PLEKHA5: variants seen among roughly 807,000 people sequenced by gnomAD.
PLEKHA5 encodes the protein pleckstrin homology domain containing A5.
PLEKHA5 carries 55 observed loss-of-function variants against 181.9 expected under a neutral mutation model. The observed-to-expected ratio is 0.30, with a 90% confidence interval of 0.24 to 0.38. The LOEUF (loss-of-function observed/expected upper bound fraction) is 0.38, where lower values mean the gene tolerates loss of function less well. Ranked by LOEUF, PLEKHA5 falls within the 10% of genes least tolerant of loss-of-function variation. The pLI is 1.00. For missense variants in PLEKHA5, 1,432 were observed against 1,549.5 expected, an observed-to-expected ratio of 0.92 and a Z score of 1.27; for synonymous variants, 535 against 529.4, an observed-to-expected ratio of 1.01 and a Z score of -0.15.
At chr12:19,170,746 TATC>T (rs1382195448) in intron 3 of PLEKHA5, among the ~76,000 whole-genome samples, 4 of 152,334 alleles carry the variant, frequency 2.6e-5, no homozygotes, top group East Asian at 1.9e-4. Flanking sequence ...TTAACTGACT[TATC>T]ATTCTTCATT....
Position 19,283,639 on chromosome 12 carries a change from C to A in PLEKHA5, c.1673C>A (p.Ala558Asp), listed in dbSNP as rs770031997. The change falls in exon 12 of 32, where the codon GCT becomes GAT. Residue 558 changes from alanine (A) to aspartate (D), a missense_variant. Physicochemically the swap from Ala to Asp is moderately radical, Grantham distance 126. Around this residue, in one of 2 missense-constraint regions of PLEKHA5, gnomAD observed 1,143 missense variants for 1,168.4 expected, o/e 0.98. Coordinates refer to ENST00000429027, the MANE Select transcript of PLEKHA5 (RefSeq NM_001256470.2). ...TCACCTTCCCACGGGTCAATAGCTG[C>A]TTATCAGGGATACTCCCCTCAACGA... is the stretch of plus-strand genomic sequence containing the variant. ...PTSPSHGSIA[A>D]YQGYSPQRTY... The A allele has an allele frequency of 6.2e-6, 10 of 1,613,888 alleles. No individual in the cohort carries two copies. The South Asian group carries it at 8.8e-5, about 14-fold the overall frequency.
chr12:19,134,481 T>C (rs1003256826), intron 3 of PLEKHA5, among the ~76,000 whole-genome samples: 1 of 151,914 alleles, frequency 6.6e-6, no homozygotes, highest in Admixed American at 6.6e-5. Flanking sequence ...CATTAAACTT[T>C]TAAAAAAACT....
At chr12:19,163,902 A>T (rs12816866) in intron 3 of PLEKHA5, among the ~76,000 whole-genome samples, 41 of 151,988 alleles carry the variant, frequency 2.7e-4, no homozygotes, top group African/African-American at 9.4e-4. Context: ...CTTTATCCAA[A>T]TTTTTCCTTC....
intron 3 of PLEKHA5, 35 bp downstream of exon 3, chr12:19,132,485 AT>A: frequency 9.2e-7 from 1 of 1,089,464 alleles, no homozygotes; most frequent in Non-Finnish European, 1.4e-6. Flanking sequence ...TTCCTTCGTA[AT>A]TAGAATGCTG....
chr12:19,207,599 G>A (rs112537356), intron 3 of PLEKHA5: 7 of 152,232 alleles, frequency 4.6e-5, no homozygotes, highest in African/African-American at 9.6e-5. Context: ...GGTCAAGTAC[G>A]TTTGGGGAAT....
intron 3 of PLEKHA5, among the ~76,000 whole-genome samples, chr12:19,242,024 A>T (rs2062714008): frequency 6.6e-6 from 1 of 152,140 alleles, no homozygotes; most frequent in South Asian, 2.1e-4. Context: ...CACTCAAATT[A>T]CTTACAGGTG....
rs1393584891 is a variant in PLEKHA5 at position 19,376,154 on chromosome 12, A to C, written c.*635A>C. 1 of 152,368 alleles carries C rather than the reference A, an allele frequency of 6.6e-6. No homozygotes were observed. The highest frequency in any genetic ancestry group is 1.5e-5 in the Non-Finnish European group (1 of 68,000). The allele number at this position is 152,368 out of a possible 1,614,324, so 9.4% of individuals were successfully genotyped here. ...GTTACTGCTTATCTTTTCTTAAAAA[A>C]AAAAAAAACAAAGTGTAGGTATTTT... is the stretch of plus-strand genomic sequence containing the variant. On this transcript the variant is annotated 3_prime_UTR_variant, in exon 32 of 32. Coordinates refer to ENST00000429027, the MANE Select transcript of PLEKHA5 (RefSeq NM_001256470.2).
intron 29 of PLEKHA5, among the ~76,000 whole-genome samples, chr12:19,362,334 G>T (rs1308240459): frequency 6.6e-6 from 1 of 151,990 alleles, no homozygotes; most frequent in Non-Finnish European, 1.5e-5. Flanking sequence ...AGGAGTTTGA[G>T]ACCAGCCTGG....
chr12:19,179,212 C>T (rs140288114), intron 3 of PLEKHA5, among the ~76,000 whole-genome samples: 1 of 151,972 alleles, frequency 6.6e-6, no homozygotes, highest in Non-Finnish European at 1.5e-5. Flanking sequence ...ATTTTTGATC[C>T]CATAGGTTGT....
intron 15 of PLEKHA5, among the ~76,000 whole-genome samples, chr12:19,313,596 G>T (rs2087396615): frequency 6.6e-6 from 1 of 152,064 alleles, no homozygotes; most frequent in East Asian, 1.9e-4. Context: ...ATTCTTCAGT[G>T]AAGTTTTTTT....
chr12:19,349,740 G>GAA (rs67664068), intron 25 of PLEKHA5, among the ~76,000 whole-genome samples: 6 of 119,632 alleles, frequency 5.0e-5, no homozygotes, highest in Non-Finnish European at 9.0e-5. Flanking sequence ...ACCAGAAACA[G>GAA]AAAAAAAAAA....
intron 11 of PLEKHA5, among the ~76,000 whole-genome samples, chr12:19,280,869 C>T (rs973570349): frequency 2.6e-5 from 4 of 151,900 alleles, no homozygotes; most frequent in African/African-American, 4.8e-5. Context: ...CGTCACCACA[C>T]CTGGCTGATT....
chr12:19,190,966 C>G, intron 3 of PLEKHA5, among the ~76,000 whole-genome samples: 1 of 152,106 alleles, frequency 6.6e-6, no homozygotes, highest in South Asian at 2.1e-4. Context: ...GCTAACTGGA[C>G]GAGTGTGGTG....
At chr12:19,215,965 G>A (rs1171868387) in intron 3 of PLEKHA5, among the ~76,000 whole-genome samples, 1 of 152,080 alleles carries the variant, frequency 6.6e-6, no homozygotes, top group Non-Finnish European at 1.5e-5. Flanking sequence ...ATAAGTGTAA[G>A]CAATAAAATA....
At chr12:19,363,560 A>C (rs893635310) in intron 29 of PLEKHA5, among the ~76,000 whole-genome samples, 3 of 149,848 alleles carry the variant, frequency 2.0e-5, no homozygotes, top group African/African-American at 2.5e-5. Context: ...AGTGCAATCT[A>C]GGCACACTGC....
At chr12:19,306,965 C>T in intron 15 of PLEKHA5, 1 of 1,300,804 alleles carries the variant, frequency 7.7e-7, no homozygotes, top group Non-Finnish European at 1.1e-6. Flanking sequence ...ACTCCTAACC[C>T]ACTTACTCAG....
At chr12:19,202,376 C>G (rs117958251) in intron 3 of PLEKHA5, among the ~76,000 whole-genome samples, 1 of 152,020 alleles carries the variant, frequency 6.6e-6, no homozygotes, top group Non-Finnish European at 1.5e-5. Flanking sequence ...TCATTCATCA[C>G]CTTAAAACAA....
chr12:19,266,718 AG>A (rs1390406615), intron 8 of PLEKHA5, among the ~76,000 whole-genome samples: 1 of 152,084 alleles, frequency 6.6e-6, no homozygotes, highest in East Asian at 1.9e-4. Flanking sequence ...CTGGAGGCAG[AG>A]GTTGCAGTGA....
chr12:19,257,602 A>G (rs2067210550), intron 6 of PLEKHA5, 65 bp downstream of exon 6: 2 of 838,018 alleles, frequency 2.4e-6, no homozygotes, highest in Non-Finnish European at 3.9e-6. Flanking sequence ...AACTGAATGT[A>G]CCTAAGACAA....
Sources: gnomAD v4.1 joint callset for allele counts (sites outside exome capture counted in the v4.1 genomes callset) on GRCh38, gnomAD v4.1.1 for gene constraint, gnomAD v4.1.1 regional missense constraint, MANE v1.5 for transcripts, NCBI Gene and HGNC (gene_info 2026-07-23, HGNC 2026-07-21) for gene names.